PTAR1: variants seen among roughly 807,000 people sequenced by gnomAD.
The protein encoded by PTAR1 is protein prenyltransferase alpha subunit repeat containing 1.
In PTAR1, 17 loss-of-function variants were observed where a neutral mutation model predicts 45.5. The observed-to-expected ratio is 0.37, with a 90% CI of 0.26 to 0.56. The LOEUF (loss-of-function observed/expected upper bound fraction) is 0.56. Ranked by LOEUF, PTAR1 falls within the 20% of genes least tolerant of loss-of-function variation. The probability of loss-of-function intolerance (pLI) is 0.77; values close to 1 mark genes in which losing one functional copy is unlikely to be tolerated. For missense variants in PTAR1, 391 were observed against 476.3 expected (o/e 0.82, Z 1.67); for synonymous variants, 169 against 171.3 (o/e 0.99, Z 0.11).
At chr9:69,746,021 CA>C (rs2134150598) in intron 2 of PTAR1, among the ~76,000 whole-genome samples, 1 of 152,322 alleles carries the variant, frequency 6.6e-6, no homozygotes, top group South Asian at 2.1e-4. Context: ...CCTTGACCAC[CA>C]TCGGTGGTAC....
intron 2 of PTAR1, among the ~76,000 whole-genome samples, chr9:69,748,821 A>AT (rs1206714121): frequency 6.6e-6 from 1 of 152,080 alleles, no homozygotes; most frequent in Non-Finnish European, 1.5e-5. Flanking sequence ...TTATTTTCAG[A>AT]TATCTTTTTC....
intron 1 of PTAR1, among the ~76,000 whole-genome samples, chr9:69,752,439 T>A (rs933492188): frequency 1.3e-5 from 2 of 152,088 alleles, no homozygotes; most frequent in African/African-American, 4.8e-5. Flanking sequence ...AAAGGATATC[T>A]TAGGGGTTGC....
intron 3 of PTAR1, among the ~76,000 whole-genome samples, chr9:69,740,468 T>C (rs1446558342): frequency 6.6e-6 from 1 of 152,090 alleles, no homozygotes; most frequent in African/African-American, 2.4e-5. Context: ...AGTGAGAATT[T>C]TTTTGTTGAA....
chr9:69,759,042 G>A (rs1434481059), intron 1 of PTAR1, among the ~76,000 whole-genome samples: 3 of 151,790 alleles, frequency 2.0e-5, no homozygotes, highest in African/African-American at 7.3e-5. Context: ...CTTTTCACTT[G>A]TTACATAAAA....
At chr9:69,759,401 G>C (rs1467521232) in intron 1 of PTAR1, among the ~76,000 whole-genome samples, 1 of 152,048 alleles carries the variant, frequency 6.6e-6, no homozygotes, top group Admixed American at 6.5e-5. Context: ...GTAAACTGAG[G>C]GGTTTGAGGC....
At chr9:69,721,412 A>G (rs376731281) in intron 6 of PTAR1, among the ~76,000 whole-genome samples, 2 of 152,226 alleles carry the variant, frequency 1.3e-5, no homozygotes, top group African/African-American at 4.8e-5. Flanking sequence ...AAACAAAAAA[A>G]AGTGGTTTCC....
At position 69,723,583 on chromosome 9, in the gene PTAR1, G is replaced by A. The variant is rs537172729; in HGVS notation, c.690C>T (p.His230=). Residue 230 remains histidine (H), a synonymous_variant, in exon 6 of 8, where the codon CAC becomes CAT. Coordinates refer to ENST00000340434, the MANE Select transcript of PTAR1 (RefSeq NM_001099666.2). ...LSSTKHWASM[H]VSDHSGFHYR... The stretch of plus-strand genomic sequence containing the variant: ...AGTGAAATCCACTGTGGTCTGAAAC[G>A]TGCATAGATGCCCAATGTTTAGTAG... 19 of 1,613,562 alleles carry A rather than the reference G, an allele frequency of 1.2e-5. No homozygotes were observed. The highest frequency in any genetic ancestry group is 1.7e-5 in the Admixed American group (1 of 59,986).
chr9:69,750,541 C>G (rs558632712), intron 2 of PTAR1, among the ~76,000 whole-genome samples: 2 of 151,216 alleles, frequency 1.3e-5, no homozygotes, highest in African/African-American at 4.9e-5. Flanking sequence ...CTGAACTGCT[C>G]TGGTTACAGG....
chr9:69,727,695 C>G lies in PTAR1; in HGVS notation c.643-4065G>C, dbSNP rs138395381. ...TTTATATTCTGTTCCATTACTGAGT[C>G]TATTTTTGAAATAGCATCACAATTT... On this transcript the variant is annotated intron_variant, in intron 5 of 7. Transcript: ENST00000340434. Among the ~76,000 whole-genome samples the G allele has an allele frequency of 5.2e-3, 798 of 152,186 alleles. 17 individuals carry two copies. Among genetic ancestry groups the G allele is most frequent in the Admixed American group, 0.037 (563 of 15,274 alleles).
intron 1 of PTAR1, chr9:69,757,251 T>C (rs1826825839): frequency 6.6e-6 from 1 of 152,262 alleles, no homozygotes. Context: ...AGTTAAAGAC[T>C]ATCCCTAGGT....
chr9:69,750,991 A>C, intron 1 of PTAR1, 41 bp from the exon 2 acceptor site: 1 of 1,340,526 alleles, frequency 7.5e-7, no homozygotes, highest in Non-Finnish European at 1.0e-6. Context: ...AAATAAGGAT[A>C]CTAACCTTTT....
chr9:69,709,697 T>C lies in PTAR1; in HGVS notation c.*8645A>G, dbSNP rs569996127. 1 of 152,138 alleles carries C rather than the reference T, an allele frequency of 6.6e-6. No individual in the cohort carries two copies. Among genetic ancestry groups the C allele is most frequent in the Non-Finnish European group, 1.5e-5 (1 of 68,004 alleles). The allele number at this position is 152,138 out of a possible 1,614,324, so 9.4% of individuals were successfully genotyped here. A position where few individuals can be genotyped will look rare whatever the true frequency, so the allele number is the denominator to read the frequency against. On this transcript the variant is annotated 3_prime_UTR_variant, in exon 8 of 8. Coordinates refer to ENST00000340434, the MANE Select transcript of PTAR1 (RefSeq NM_001099666.2). ...TTTCATTCTACTTTTCTGCCACTTA[T>C]CACAGTGTAATAAGTGCCAGTAAGT...
chr9:69,736,856 G>A (rs1464696904), intron 3 of PTAR1, among the ~76,000 whole-genome samples: 2 of 152,046 alleles, frequency 1.3e-5, no homozygotes, highest in Non-Finnish European at 2.9e-5. Flanking sequence ...AGCATTTTTG[G>A]GAAGACATCT....
In PTAR1 at chr9:69,718,682, C is replaced by A; in HGVS notation, c.950G>T (p.Arg317Leu). ...GTGATGCTGAAGGTAGAAAATATGC[C>A]GCCTGCGATAGAGAGGGGAAGGAAG... is the stretch of plus-strand genomic sequence containing the variant. ...PGHETLWCHR[R>L]HIFYLQHHLN... Residue 317 changes from arginine to leucine, a missense_variant and splice_region_variant, in exon 7 of 8, where the codon CGG (arginine) becomes CTG (leucine). This residue lies in a region of PTAR1 where 181 missense variants were observed against 227.7 expected (regional missense o/e 0.80). Transcript: ENST00000340434. 1.3e-6 allele frequency: 2 copies of A among 1,558,798 alleles called. No individual in the cohort carries two copies. Among genetic ancestry groups the A allele is most frequent in the South Asian group, 1.2e-5 (1 of 84,616 alleles).
chr9:69,714,852 T>TATCA lies in PTAR1; in HGVS notation c.*3486_*3489dup, dbSNP rs1180076102. 1.3e-5 allele frequency: 2 copies of TATCA among 152,124 alleles called. No individual in the cohort carries two copies. Among genetic ancestry groups the TATCA allele is most frequent in the East Asian group, 3.9e-4 (2 of 5,178 alleles). The allele number at this position is 152,124 out of a possible 1,614,324, so 9.4% of individuals were successfully genotyped here. On this transcript the variant is annotated 3_prime_UTR_variant, in exon 8 of 8. Coordinates refer to ENST00000340434, the MANE Select transcript of PTAR1 (RefSeq NM_001099666.2). ...AGAAGACAAAGGGGACATTAATACATATCAAATCCCTAAGCTTAAAAAATG... is the reference window on the plus strand; with the variant it reads ...AGAAGACAAAGGGGACATTAATACATATCAATCAAATCCCTAAGCTTAAAAAATG...
intron 4 of PTAR1, among the ~76,000 whole-genome samples, chr9:69,733,631 T>C (rs1288802227): frequency 6.6e-6 from 1 of 152,214 alleles, no homozygotes; most frequent in Admixed American, 6.5e-5. Context: ...TTAGCAACTT[T>C]AGCTCAGCCT....
Position 69,741,777 on chromosome 9 carries a change from A to G in PTAR1, c.323+15T>C. On this transcript the variant is annotated intron_variant, in intron 3 of 7. Transcript: ENST00000340434. Reference sequence around the variant, plus strand: ...TTGGACAAACTTTATCATATCACTAATGAAAATGACATACCTCACGTTCCA... The same window carrying G: ...TTGGACAAACTTTATCATATCACTAGTGAAAATGACATACCTCACGTTCCA... The G allele has an allele frequency of 6.4e-7, 1 of 1,562,914 alleles. No homozygotes were observed. Among genetic ancestry groups the G allele is most frequent in the Non-Finnish European group, 8.8e-7 (1 of 1,141,828 alleles).
At position 69,717,635 on chromosome 9, in the gene PTAR1, T is replaced by C. The variant is rs1445549155; in HGVS notation, c.*707A>G. ...TTTAAACATTCGCCCATCTAGCCAT[T>C]TGATTCTCAAAACAATTACATCAAG... On this transcript the variant is annotated 3_prime_UTR_variant, in exon 8 of 8. Coordinates refer to ENST00000340434, the MANE Select transcript of PTAR1 (RefSeq NM_001099666.2). 6.6e-6 allele frequency: 1 copy of C among 152,234 alleles called. No homozygotes were observed. The highest frequency in any genetic ancestry group is 1.5e-5 in the Non-Finnish European group (1 of 68,042). The allele number at this position is 152,234 out of a possible 1,614,324, so 9.4% of individuals were successfully genotyped here.
intron 2 of PTAR1, among the ~76,000 whole-genome samples, chr9:69,743,345 GTGTT>G: frequency 6.6e-6 from 1 of 152,212 alleles, no homozygotes; most frequent in Middle Eastern, 3.4e-3. Flanking sequence ...GACATTTTCA[GTGTT>G]TAAGTAAAAT....
Sources: allele counts gnomAD v4.1 joint callset (sites outside exome capture counted in the v4.1 genomes callset), GRCh38; gene constraint gnomAD v4.1.1; regional missense constraint gnomAD v4.1.1; transcripts MANE v1.5; gene names NCBI Gene and HGNC (gene_info 2026-07-23, HGNC 2026-07-21).